Variants in SLF2 observed in about 807,000 individuals in gnomAD.
SLF2 encodes SMC5-SMC6 complex localization factor protein 2.
Under a neutral mutation model 124.3 loss-of-function variants are expected in SLF2, and 68 were observed. The ratio of observed to expected loss-of-function variants is 0.55; its 90% CI spans 0.45 to 0.67. SLF2 has a LOEUF of 0.67. SLF2 is among the 30% of genes least tolerant of loss of function. The pLI is 0.00. For synonymous variants in SLF2, 480 were observed against 478.8 expected (o/e 1.00, Z -0.03); for missense variants, 1,246 against 1,373.7 (o/e 0.91, Z 1.47).
intron 14 of SLF2, 105 bp downstream of exon 14, chr10:100,947,241 G>C: frequency 1.6e-6 from 1 of 628,302 alleles, no homozygotes; most frequent in Non-Finnish European, 2.5e-6. Context: ...TGTTAGATCA[G>C]ATATGTTTAT....
At chr10:100,930,076 A>G in intron 8 of SLF2, 79 bp downstream of exon 8, 3 of 918,610 alleles carry the variant, frequency 3.3e-6, no homozygotes, top group Non-Finnish European at 4.7e-6. Context: ...GTAATCTTCT[A>G]AAAGGTTAAT....
intron 17 of SLF2, among the ~76,000 whole-genome samples, chr10:100,955,097 G>T (rs1023944637): frequency 7.2e-5 from 11 of 151,796 alleles, no homozygotes; most frequent in African/African-American, 2.7e-4. Flanking sequence ...CCGCCACCAC[G>T]CCCGGCTAAT....
chr10:100,945,405 T>A lies in SLF2; in HGVS notation c.2833T>A (p.Phe945Ile), dbSNP rs140948273. ...REIMLLILML[F>I]KMSLEKQLKQ... Reference sequence around the variant, plus strand: ...AATAATGTTGCTGATTTTAATGTTATTTAAAATGAGTTTGGAAAAACAGCT... The same window carrying A: ...AATAATGTTGCTGATTTTAATGTTAATTAAAATGAGTTTGGAAAAACAGCT... The change falls in exon 13 of 20, where the codon TTT (phenylalanine) becomes ATT (isoleucine). Residue 945 changes from phenylalanine to isoleucine, a missense_variant. Physicochemically the swap from Phe to Ile is conservative, Grantham distance 21. Coordinates refer to ENST00000238961, the MANE Select transcript of SLF2 (RefSeq NM_018121.4). The A allele has an allele frequency of 6.2e-7, 1 of 1,603,898 alleles. No individual in the cohort carries two copies. The highest frequency in any genetic ancestry group is 8.5e-7 in the Non-Finnish European group (1 of 1,177,566).
At chr10:100,925,372 G>A (rs1849595497) in intron 5 of SLF2, among the ~76,000 whole-genome samples, 1 of 152,154 alleles carries the variant, frequency 6.6e-6, no homozygotes, top group Non-Finnish European at 1.5e-5. Flanking sequence ...AAGTTCTACT[G>A]GAGTCTCTAT....
At chr10:100,938,553 A>G in intron 10 of SLF2, 42 bp from the exon 11 acceptor site, 2 of 1,578,362 alleles carry the variant, frequency 1.3e-6, no homozygotes, top group Non-Finnish European at 1.7e-6. Context: ...GTGGGTTTGT[A>G]GACCACAGAT....
chr10:100,952,482 G>A (rs1310280354), intron 17 of SLF2, among the ~76,000 whole-genome samples: 5 of 151,602 alleles, frequency 3.3e-5, no homozygotes, highest in Admixed American at 6.6e-5. Flanking sequence ...AGGAGGTGGA[G>A]GTTGCAGTGA....
At chr10:100,922,966 G>A (rs1336909298) in intron 4 of SLF2, among the ~76,000 whole-genome samples, 1 of 151,734 alleles carries the variant, frequency 6.6e-6, no homozygotes, top group East Asian at 1.9e-4. Flanking sequence ...AGTAGAGACA[G>A]GGTTTCACCA....
chr10:100,935,633 T>C (rs1275391649), intron 9 of SLF2, among the ~76,000 whole-genome samples: 1 of 151,850 alleles, frequency 6.6e-6, no homozygotes, highest in Non-Finnish European at 1.5e-5. Flanking sequence ...TCAGCCAAGG[T>C]TGCACCACTG....
Position 100,947,032 on chromosome 10 carries a change from T to C in SLF2, c.2935-7T>C, listed in dbSNP as rs935862463. Reference sequence around the variant, plus strand: ...GAAAAGAAATCTTACATGTTCTTTTTTTTCAGGTGCCTGAACTCTGTCTGG... The same window carrying C: ...GAAAAGAAATCTTACATGTTCTTTTCTTTCAGGTGCCTGAACTCTGTCTGG... On this transcript the variant is annotated splice_region_variant and splice_polypyrimidine_tract_variant and intron_variant, in intron 13 of 19. Coordinates refer to ENST00000238961, the MANE Select transcript of SLF2 (RefSeq NM_018121.4). 2.5e-6 allele frequency: 4 copies of C among 1,611,194 alleles called. No individual in the cohort carries two copies. Among genetic ancestry groups the C allele is most frequent in the Non-Finnish European group, 3.4e-6 (4 of 1,177,648 alleles).
At chr10:100,916,168 A>T in intron 2 of SLF2, 126 bp downstream of exon 2, 1 of 670,944 alleles carries the variant, frequency 1.5e-6, no homozygotes, top group South Asian at 2.7e-5. Flanking sequence ...AATAAAATGA[A>T]GATGCAGTAT....
In SLF2 at chr10:100,962,951, A is replaced by G. The variant is rs552708114; in HGVS notation, c.*1039A>G. 6.5e-3 allele frequency: 984 copies of G among 152,522 alleles called. 8 individuals carry two copies. The highest frequency in any genetic ancestry group is 7.8e-3 in the Non-Finnish European group (529 of 67,994). 9.4% of individuals were successfully genotyped at this position (152,522 alleles called of 1,614,324 possible). A position where few individuals can be genotyped will look rare whatever the true frequency, so the allele number is the denominator to read the frequency against. ...CACTGGAGAGCCATCCTTTGGTTTAAATGGTAGAGGGTTAGTGGAAGTGCA... is the reference window on the plus strand; with the variant it reads ...CACTGGAGAGCCATCCTTTGGTTTAGATGGTAGAGGGTTAGTGGAAGTGCA... On this transcript the variant is annotated 3_prime_UTR_variant, in exon 20 of 20. Coordinates refer to ENST00000238961, the MANE Select transcript of SLF2 (RefSeq NM_018121.4).
chr10:100,922,105 T>A (rs7078599), intron 4 of SLF2, among the ~76,000 whole-genome samples: 126,351 of 152,190 alleles, frequency 0.83, 52,638 homozygotes, highest in African/African-American at 0.86. Flanking sequence ...TCATTTTGAT[T>A]CAAGGTCTTA....
intron 9 of SLF2, 130 bp from the exon 10 acceptor site, chr10:100,937,272 A>G (rs899510448): frequency 2.7e-5 from 20 of 741,842 alleles, no homozygotes; most frequent in South Asian, 1.3e-4. Context: ...TAGCCTCACA[A>G]AGTGCTAGGA....
chr10:100,945,666 G>T (rs917420428), intron 13 of SLF2, among the ~76,000 whole-genome samples, 160 bp downstream of exon 13: 1 of 152,126 alleles, frequency 6.6e-6, no homozygotes, highest in Admixed American at 6.5e-5. Context: ...ATTTAAATTC[G>T]TGATAATTGA....
chr10:100,913,265 G>T lies in SLF2; in HGVS notation c.140+15G>T, dbSNP rs1470470176. The T allele has an allele frequency of 6.4e-7, 1 of 1,569,636 alleles. No homozygotes were observed. Among genetic ancestry groups the T allele is most frequent in the Non-Finnish European group, 8.6e-7 (1 of 1,157,130 alleles). On this transcript the variant is annotated intron_variant, in intron 1 of 19. Transcript: ENST00000238961. ...CCTGGGGACAGGTACCGTGCAGAGG[G>T]CTTGAGAAGGGGCCGGGTCGCGGGG...
chr10:100,941,387 C>T (rs1363191219), intron 11 of SLF2, among the ~76,000 whole-genome samples: 2 of 152,126 alleles, frequency 1.3e-5, no homozygotes, highest in African/African-American at 2.4e-5. Flanking sequence ...TTCTAACCTC[C>T]TTCAATTCTG....
At position 100,959,038 on chromosome 10, in the gene SLF2, G is replaced by A. The variant is rs187104594; in HGVS notation, c.3418-390G>A. Reference sequence around the variant, plus strand: ...GATCCTTTCAAAGGGAAGCTGGGAAGGGAAGGCACAGAACAGCCAAAGCCT... The same window carrying A: ...GATCCTTTCAAAGGGAAGCTGGGAAAGGAAGGCACAGAACAGCCAAAGCCT... On this transcript the variant is annotated intron_variant, in intron 18 of 19. Coordinates refer to ENST00000238961, the MANE Select transcript of SLF2 (RefSeq NM_018121.4). Among the ~76,000 whole-genome samples, 5 of 152,280 alleles carry A rather than the reference G, an allele frequency of 3.3e-5. No homozygotes were observed. In the East Asian group the frequency reaches 9.7e-4, roughly 29 times the overall value.
chr10:100,926,180 C>T (rs748806156), intron 6 of SLF2, 161 bp downstream of exon 6: 14 of 1,551,470 alleles, frequency 9.0e-6, no homozygotes, highest in Non-Finnish European at 1.1e-5. Context: ...GACGCAGTGG[C>T]TCATGCCTGT....
chr10:100,920,424 T>C (rs1336887442), intron 4 of SLF2, among the ~76,000 whole-genome samples: 1 of 152,232 alleles, frequency 6.6e-6, no homozygotes, highest in African/African-American at 2.4e-5. Flanking sequence ...GAAAAGATGC[T>C]TTCTACATAT....
Sources: gnomAD v4.1 joint callset for allele counts (sites outside exome capture counted in the v4.1 genomes callset) on GRCh38, gnomAD v4.1.1 for gene constraint, MANE v1.5 for transcripts, NCBI Gene and HGNC (gene_info 2026-07-23, HGNC 2026-07-21) for gene names.